Variants in ZNF337 observed in about 807,000 individuals in gnomAD.
ZNF337 encodes zinc finger protein 337.
ZNF337 carries 8 observed loss-of-function variants against 12.1 expected under a neutral mutation model. That is an observed-to-expected ratio of 0.66 (90% CI 0.39 to 1.19). The LOEUF is 1.19. Among genes scored for constraint, ZNF337 ranks in the 50% most tolerant of loss-of-function variants. The pLI is 0.01. For missense variants in ZNF337, 882 were observed against 896.6 expected (o/e 0.98, Z 0.21); for synonymous variants, 336 against 320.0 (o/e 1.05, Z -0.53).
At position 25,696,763 on chromosome 20, in the gene ZNF337, G is replaced by A. The variant is rs2065936757; in HGVS notation, c.-54C>T. 2 of 985,528 alleles carry A rather than the reference G, an allele frequency of 2.0e-6. No homozygotes were observed. The highest frequency in any genetic ancestry group is 5.2e-4 in the Middle Eastern group (1 of 1,914). The allele number at this position is 985,528 out of a possible 1,614,324, so 61.0% of individuals were successfully genotyped here. ...ACCCGCAGGAGCGCAGCTCACCGGG[G>A]CGGCTGAGGGCGAACCGAGGCGGTG... On this transcript the variant is annotated 5_prime_UTR_variant, in exon 1 of 5. Transcript: ENST00000252979.
At chr20:25,685,884 G>T in intron 3 of ZNF337, 112 bp downstream of exon 3, 1 of 1,485,438 alleles carries the variant, frequency 6.7e-7, no homozygotes, top group Non-Finnish European at 9.1e-7. Flanking sequence ...ACCAAAGCCA[G>T]ACCTTCCTCA....
chr20:25,694,361 G>A (rs1840609393), intron 1 of ZNF337, among the ~76,000 whole-genome samples: 1 of 152,144 alleles, frequency 6.6e-6, no homozygotes, highest in South Asian at 2.1e-4. Flanking sequence ...TAACCAGTAG[G>A]CATGGCTATG....
Position 25,675,524 on chromosome 20 carries a change from G to A in ZNF337, c.1764C>T (p.Leu588=), listed in dbSNP as rs766675983. 20 of 1,613,680 alleles carry A rather than the reference G, an allele frequency of 1.2e-5. No homozygotes were observed. The highest frequency in any genetic ancestry group is 3.3e-4 in the Middle Eastern group (2 of 6,078). Residue 588 remains leucine, a synonymous_variant, in exon 5 of 5, where the codon CTC becomes CTT. Coordinates refer to ENST00000252979, the MANE Select transcript of ZNF337 (RefSeq NM_015655.4). ...GRGFILKSTL[L]FHQKTHSGEK... ...CCCCTGAGTGTGTCTTCTGGTGGAA[G>A]AGGAGAGTTGATTTTAGGATGAAGC...
intron 1 of ZNF337, among the ~76,000 whole-genome samples, chr20:25,687,746 C>T (rs148638925): frequency 6.6e-6 from 1 of 152,314 alleles, no homozygotes; most frequent in African/African-American, 2.4e-5. Context: ...CTATGCACAC[C>T]GTATCTTATG....
At chr20:25,682,463 A>C (rs2065778894) in intron 4 of ZNF337, among the ~76,000 whole-genome samples, 1 of 152,212 alleles carries the variant, frequency 6.6e-6, no homozygotes. Flanking sequence ...TCATCTTTTC[A>C]AGTATTGGAT....
At chr20:25,691,943 G>T (rs1443742840) in intron 1 of ZNF337, among the ~76,000 whole-genome samples, 1 of 152,178 alleles carries the variant, frequency 6.6e-6, no homozygotes, top group Non-Finnish European at 1.5e-5. Context: ...CAGGCAATTA[G>T]GTAAGTGGTG....
In ZNF337 at chr20:25,676,901, G is replaced by A; in HGVS notation, c.387C>T (p.Pro129=). The change falls in exon 5 of 5, where the codon CCC becomes CCT. Residue 129 remains proline (P), a synonymous_variant. Transcript: ENST00000252979. ...TTAGGGGTGGGCTGGAAAATGCCATGGGCTTAGTGCTTTTTTCTTTCTCTT... is the reference window on the plus strand; with the variant it reads ...TTAGGGGTGGGCTGGAAAATGCCATAGGCTTAGTGCTTTTTTCTTTCTCTT... ...EGQEKEKSTK[P]MAFSSPPLRH... is the part of the protein sequence containing the mutation. 6.2e-7 allele frequency: 1 copy of A among 1,614,100 alleles called. No homozygotes were observed. The highest frequency in any genetic ancestry group is 8.5e-7 in the Non-Finnish European group (1 of 1,180,024).
At chr20:25,686,289 G>A (rs942795253) in intron 2 of ZNF337, 102 bp downstream of exon 2, 27 of 1,450,810 alleles carry the variant, frequency 1.9e-5, no homozygotes, top group Middle Eastern at 1.8e-4. Context: ...CCCCAGGAGC[G>A]GTGCTGGCCT....
intron 1 of ZNF337, among the ~76,000 whole-genome samples, chr20:25,688,735 C>G (rs2065855914): frequency 6.6e-6 from 1 of 152,232 alleles, no homozygotes; most frequent in African/African-American, 2.4e-5. Flanking sequence ...GAACCCAAAC[C>G]ACTCTGCCAA....
Position 25,675,785 on chromosome 20 carries a change from G to C in ZNF337, c.1503C>G (p.Ser501=), listed in dbSNP as rs202204921. The C allele has an allele frequency of 1.6e-5, 25 of 1,612,786 alleles. No homozygotes were observed. The East Asian group carries it at 5.6e-4, about 36-fold the overall frequency. ...GTGCCCTCAGGTGCTTGTTATAGGA[G>C]GACTTATCCCGAAACCTTCGCCCAC... ...RECGRRFRDK[S]SYNKHLRAHL... is the part of the protein sequence containing the mutation. The change falls in exon 5 of 5, where the codon TCC becomes TCG. Residue 501 remains serine (S), a synonymous_variant. Coordinates refer to ENST00000252979, the MANE Select transcript of ZNF337 (RefSeq NM_015655.4).
At position 25,674,441 on chromosome 20, in the gene ZNF337, C is replaced by G. The variant is rs2065650833; in HGVS notation, c.*591G>C. 1 of 152,558 alleles carries G rather than the reference C, an allele frequency of 6.6e-6. No homozygotes were observed. Among genetic ancestry groups the G allele is most frequent in the African/African-American group, 2.4e-5 (1 of 41,456 alleles). 9.5% of individuals were successfully genotyped at this position (152,558 alleles called of 1,614,324 possible). ...GCCTTTTCATAAGGGCACCTGATCC[C>G]ATTCGCAAAGCTCTATCTTCGTGAC... On this transcript the variant is annotated 3_prime_UTR_variant, in exon 5 of 5. Coordinates refer to ENST00000252979, the MANE Select transcript of ZNF337 (RefSeq NM_015655.4).
rs2065937045 is a variant in ZNF337 at position 25,696,775 on chromosome 20, G to T, written c.-66C>A. ...GCAGCTCACCGGGGCGGCTGAGGGCGAACCGAGGCGGTGAGGTCACCGATG... is the reference window on the plus strand; with the variant it reads ...GCAGCTCACCGGGGCGGCTGAGGGCTAACCGAGGCGGTGAGGTCACCGATG... On this transcript the variant is annotated 5_prime_UTR_variant, in exon 1 of 5. Coordinates refer to ENST00000252979, the MANE Select transcript of ZNF337 (RefSeq NM_015655.4). The T allele has an allele frequency of 1.0e-6, 1 of 985,404 alleles. No individual in the cohort carries two copies. Among genetic ancestry groups the T allele is most frequent in the African/African-American group, 1.7e-5 (1 of 57,260 alleles). 61.0% of individuals were successfully genotyped at this position (985,404 alleles called of 1,614,324 possible).
At position 25,696,775 on chromosome 20, in the gene ZNF337, G is replaced by C; in HGVS notation, c.-66C>G. ...GCAGCTCACCGGGGCGGCTGAGGGC[G>C]AACCGAGGCGGTGAGGTCACCGATG... On this transcript the variant is annotated 5_prime_UTR_variant, in exon 1 of 5. Transcript: ENST00000252979. 1 of 985,522 alleles carries C rather than the reference G, an allele frequency of 1.0e-6. No homozygotes were observed. The highest frequency in any genetic ancestry group is 1.2e-6 in the Non-Finnish European group (1 of 829,988). 61.0% of individuals were successfully genotyped at this position (985,522 alleles called of 1,614,324 possible). A position where few individuals can be genotyped will look rare whatever the true frequency, so the allele number is the denominator to read the frequency against.
intron 4 of ZNF337, 189 bp from the exon 5 acceptor site, chr20:25,677,226 A>C: frequency 1.7e-6 from 1 of 577,462 alleles, no homozygotes; most frequent in Non-Finnish European, 3.0e-6. Flanking sequence ...CTCATTCTAA[A>C]AGGCCAGCAT....
chr20:25,694,318 G>T (rs1441264954), intron 1 of ZNF337, among the ~76,000 whole-genome samples: 1 of 152,112 alleles, frequency 6.6e-6, no homozygotes, highest in Non-Finnish European at 1.5e-5. Context: ...GATAGAGCTT[G>T]GGTTTCAACT....
intron 4 of ZNF337, chr20:25,677,334 C>T (rs2065712500): frequency 3.5e-6 from 1 of 288,914 alleles, no homozygotes; most frequent in South Asian, 9.7e-5. Flanking sequence ...CAACAAAATA[C>T]TAGCAAAACC....
At chr20:25,693,828 A>G (rs2065899893) in intron 1 of ZNF337, among the ~76,000 whole-genome samples, 1 of 152,228 alleles carries the variant, frequency 6.6e-6, no homozygotes, top group Non-Finnish European at 1.5e-5. Context: ...TACCCTGCAG[A>G]CAGTCCTCTC....
In ZNF337 at chr20:25,675,338, G is replaced by T; in HGVS notation, c.1950C>A (p.His650Gln). 1 of 1,614,202 alleles carries T rather than the reference G, an allele frequency of 6.2e-7. No homozygotes were observed. The highest frequency in any genetic ancestry group is 8.5e-7 in the Non-Finnish European group (1 of 1,180,030). ...TACACACGAAGGGCTTCTCCCCTGA[G>T]TGTGTCCTCTGGTGTGTGAGGAGAT... Reference protein sequence around the residue: ...KGNLLTHQRTHSGEKPFVCNV... With the variant: ...KGNLLTHQRTQSGEKPFVCNV... The change falls in exon 5 of 5, where the codon CAC (histidine) becomes CAA (glutamine). Residue 650 changes from histidine to glutamine, a missense_variant. Physicochemically the swap from His to Gln is conservative, Grantham distance 24. Coordinates refer to ENST00000252979, the MANE Select transcript of ZNF337 (RefSeq NM_015655.4).
intron 2 of ZNF337, 29 bp from the exon 3 acceptor site, chr20:25,686,151 C>G (rs1456119317): frequency 1.2e-6 from 2 of 1,613,392 alleles, no homozygotes; most frequent in South Asian, 2.2e-5. Context: ...GCATGCTCAC[C>G]AGGGACAGTG....
Sources: gnomAD v4.1 joint callset for allele counts (sites outside exome capture counted in the v4.1 genomes callset) on GRCh38, gnomAD v4.1.1 for gene constraint, MANE v1.5 for transcripts, NCBI Gene and HGNC (gene_info 2026-07-23, HGNC 2026-07-21) for gene names.